MCTP1: variants seen among roughly 807,000 people sequenced by gnomAD.
MCTP1 encodes the protein multiple C2 and transmembrane domain-containing protein 1.
A neutral mutation model predicts 120.6 loss-of-function variants in MCTP1; 69 were observed. That is an observed-to-expected ratio of 0.57 (90% CI 0.47 to 0.70). The LOEUF is 0.70. Among genes scored for constraint, MCTP1 ranks in the 30% least tolerant of loss-of-function variants. MCTP1 has a pLI of 0.00. For missense variants in MCTP1, 1,203 were observed against 1,248.8 expected, an observed-to-expected ratio of 0.96 and a Z score of 0.55; for synonymous variants, 529 against 493.1, an observed-to-expected ratio of 1.07 and a Z score of -0.96.
At chr5:94,813,246 C>T (rs12152973) in intron 17 of MCTP1, among the ~76,000 whole-genome samples, 14,145 of 152,038 alleles carry the variant, frequency 0.093, 756 homozygotes, top group East Asian at 0.26. Context: ...ACTAGGGAAA[C>T]GTAAATTAAA....
At chr5:95,272,824 A>T (rs1759513577) in intron 1 of MCTP1, among the ~76,000 whole-genome samples, 1 of 152,148 alleles carries the variant, frequency 6.6e-6, no homozygotes, top group Admixed American at 6.5e-5. Flanking sequence ...GGCCAAAGGG[A>T]GCAGAGAGAG....
chr5:95,051,029 A>G (rs1745769164), intron 1 of MCTP1, among the ~76,000 whole-genome samples: 1 of 152,112 alleles, frequency 6.6e-6, no homozygotes, highest in East Asian at 1.9e-4. Context: ...GTGCCTTCAG[A>G]AGGAGCATAG....
chr5:94,842,093 G>C (rs554087445), intron 17 of MCTP1, among the ~76,000 whole-genome samples: 1 of 152,162 alleles, frequency 6.6e-6, no homozygotes, highest in African/African-American at 2.4e-5. Context: ...ACAGTCATAC[G>C]CAACGCTGTT....
chr5:94,953,859 G>A lies in MCTP1; in HGVS notation c.839-498C>T, dbSNP rs574119317. On this transcript the variant is annotated intron_variant, in intron 2 of 22. Transcript: ENST00000515393. The stretch of plus-strand genomic sequence containing the variant: ...TATATATATACACAACTATATATAT[G>A]CATATATATACAAATATATATGCAT... Among the ~76,000 whole-genome samples the A allele has an allele frequency of 1.2e-3, 98 of 82,918 alleles. 2 individuals carry two copies. The highest frequency in any genetic ancestry group is 2.9e-3 in the Admixed American group (20 of 6,830). The allele number at this position is 82,918 out of a possible 152,430, so 54.4% of individuals were successfully genotyped here. A position where few individuals can be genotyped will look rare whatever the true frequency, so the allele number is the denominator to read the frequency against.
chr5:95,280,841 C>A (rs1472533249), intron 1 of MCTP1, among the ~76,000 whole-genome samples: 1 of 152,120 alleles, frequency 6.6e-6, no homozygotes, highest in East Asian at 1.9e-4. Flanking sequence ...CCCGTGACTC[C>A]CAAATCTCTT....
At chr5:94,901,583 C>T (rs552939544) in intron 10 of MCTP1, among the ~76,000 whole-genome samples, 3 of 151,914 alleles carry the variant, frequency 2.0e-5, no homozygotes, top group African/African-American at 7.3e-5. Flanking sequence ...TGTTTCCTGA[C>T]TTCCATATCA....
chr5:94,885,365 G>T (rs1453207046), intron 12 of MCTP1, among the ~76,000 whole-genome samples: 3 of 151,654 alleles, frequency 2.0e-5, no homozygotes, highest in Non-Finnish European at 4.4e-5. Flanking sequence ...GAAGGGGAGG[G>T]GCGGAGGAGA....
At chr5:95,221,989 G>T (rs955788137) in intron 1 of MCTP1, among the ~76,000 whole-genome samples, 1 of 152,200 alleles carries the variant, frequency 6.6e-6, no homozygotes, top group Admixed American at 6.5e-5. Context: ...TTATGTATCT[G>T]TCAGAGTAAC....
chr5:95,069,564 G>A (rs904597170), intron 1 of MCTP1, among the ~76,000 whole-genome samples: 1 of 152,004 alleles, frequency 6.6e-6, no homozygotes, highest in Non-Finnish European at 1.5e-5. Flanking sequence ...ATGTATGTGT[G>A]TGAAAATAGA....
At chr5:94,963,653 A>T (rs2153562079) in intron 2 of MCTP1, among the ~76,000 whole-genome samples, 1 of 151,944 alleles carries the variant, frequency 6.6e-6, no homozygotes, top group South Asian at 2.1e-4. Flanking sequence ...TGTTTTGGTA[A>T]TCGAGTTATT....
chr5:95,267,144 G>A (rs1285401127), intron 1 of MCTP1, among the ~76,000 whole-genome samples: 2 of 152,170 alleles, frequency 1.3e-5, no homozygotes, highest in Non-Finnish European at 2.9e-5. Flanking sequence ...CCTTTACCAT[G>A]CTTTAGATCT....
In MCTP1 at chr5:94,982,884, C is replaced by CAAAAAAAAAA. The variant is rs34561115; in HGVS notation, c.839-29533_839-29524dup. On this transcript the variant is annotated intron_variant, in intron 2 of 22. Coordinates refer to ENST00000515393, the MANE Select transcript of MCTP1 (RefSeq NM_024717.7). ...ACCTGGGGGACAGAGCACACTTCAT[C>CAAAAAAAAAA]AAAAAAAAAAAAAAAAAAAAAAAAA... Among the ~76,000 whole-genome samples the CAAAAAAAAAA allele has an allele frequency of 3.8e-4, 11 of 28,618 alleles. 2 individuals are homozygous for CAAAAAAAAAA. Among genetic ancestry groups the CAAAAAAAAAA allele is most frequent in the Non-Finnish European group, 5.8e-4 (7 of 12,000 alleles). 18.8% of individuals were successfully genotyped at this position (28,618 alleles called of 152,430 possible). A position where few individuals can be genotyped will look rare whatever the true frequency, so the allele number is the denominator to read the frequency against.
intron 13 of MCTP1, among the ~76,000 whole-genome samples, chr5:94,872,019 C>A (rs1797933073): frequency 2.0e-5 from 3 of 152,078 alleles, no homozygotes; most frequent in Non-Finnish European, 4.4e-5. Flanking sequence ...AAGCAGGGTT[C>A]CATTATGTTC....
At chr5:94,736,499 G>T (rs951323044) in intron 19 of MCTP1, among the ~76,000 whole-genome samples, 6 of 152,052 alleles carry the variant, frequency 3.9e-5, no homozygotes, top group South Asian at 2.1e-4. Flanking sequence ...AAATTTTTTT[G>T]GGGGGGATCC....
At chr5:94,750,404 G>A (rs1768014721) in intron 19 of MCTP1, among the ~76,000 whole-genome samples, 1 of 152,124 alleles carries the variant, frequency 6.6e-6, no homozygotes, top group African/African-American at 2.4e-5. Flanking sequence ...AAACCTACTA[G>A]ACAATTGTAT....
At chr5:94,793,720 C>G (rs1779436584) in intron 18 of MCTP1, 1 of 152,266 alleles carries the variant, frequency 6.6e-6, no homozygotes, top group Non-Finnish European at 1.5e-5. Context: ...GTTAGGAATA[C>G]TTGACTTATT....
At chr5:95,238,739 T>C (rs1436772279) in intron 1 of MCTP1, among the ~76,000 whole-genome samples, 1 of 152,128 alleles carries the variant, frequency 6.6e-6, no homozygotes, top group Admixed American at 6.6e-5. Flanking sequence ...CTTAAAATTA[T>C]TCTCATTCTC....
intron 19 of MCTP1, among the ~76,000 whole-genome samples, chr5:94,742,929 G>C (rs953478143): frequency 6.6e-6 from 1 of 152,112 alleles, no homozygotes; most frequent in African/African-American, 2.4e-5. Context: ...CACAGTCCCT[G>C]CCTGTAAGGG....
At chr5:95,282,192 A>G (rs896273713) in intron 1 of MCTP1, among the ~76,000 whole-genome samples, 3 of 152,224 alleles carry the variant, frequency 2.0e-5, no homozygotes, top group African/African-American at 7.2e-5. Context: ...TGTATACAAA[A>G]TTCATACTTA....
Sources: allele counts gnomAD v4.1 joint callset (sites outside exome capture counted in the v4.1 genomes callset), GRCh38; gene constraint gnomAD v4.1.1; transcripts MANE v1.5; gene names NCBI Gene and HGNC (gene_info 2026-07-23, HGNC 2026-07-21).